Variants in NELL1 observed in about 807,000 individuals in gnomAD.
The protein encoded by NELL1 is neural EGFL like 1.
In NELL1, 76 loss-of-function variants were observed where a neutral mutation model predicts 107.4. That is an observed-to-expected ratio of 0.71 (90% CI 0.59 to 0.86). The LOEUF (loss-of-function observed/expected upper bound fraction) is 0.86. NELL1 is among the 40% of genes least tolerant of loss of function. The pLI is 0.00. For synonymous variants in NELL1, 353 were observed against 341.2 expected (o/e 1.03, Z -0.38); for missense variants, 1,024 against 1,005.5 (o/e 1.02, Z -0.25).
At chr11:21,048,441 C>A (rs2134343215) in intron 12 of NELL1, among the ~76,000 whole-genome samples, 1 of 152,226 alleles carries the variant, frequency 6.6e-6, no homozygotes, top group South Asian at 2.1e-4. Flanking sequence ...TTATGATGAT[C>A]TGTCTCTTTG....
At chr11:21,118,508 A>T (rs1041788421) in intron 13 of NELL1, among the ~76,000 whole-genome samples, 2 of 152,060 alleles carry the variant, frequency 1.3e-5, no homozygotes, top group Non-Finnish European at 2.9e-5. Context: ...GGCAAAGAAG[A>T]CTTCCTTCCC....
intron 2 of NELL1, among the ~76,000 whole-genome samples, chr11:20,714,466 C>A (rs1855191859): frequency 6.6e-6 from 1 of 151,968 alleles, no homozygotes; most frequent in Non-Finnish European, 1.5e-5. Flanking sequence ...CCTCAGCCTC[C>A]CTAAGTGCTG....
intron 3 of NELL1, among the ~76,000 whole-genome samples, chr11:20,845,772 C>T (rs1461573657): frequency 6.6e-6 from 1 of 152,096 alleles, no homozygotes; most frequent in Non-Finnish European, 1.5e-5. Context: ...CCTTTTAGGC[C>T]ATTTTTCACC....
At chr11:20,714,053 G>A (rs1056462616) in intron 2 of NELL1, among the ~76,000 whole-genome samples, 2 of 151,928 alleles carry the variant, frequency 1.3e-5, no homozygotes, top group Admixed American at 6.6e-5. Flanking sequence ...TCTTTCAAAG[G>A]ATCAATGCAT....
chr11:20,723,830 C>G (rs1189865223), intron 2 of NELL1, among the ~76,000 whole-genome samples: 3 of 152,232 alleles, frequency 2.0e-5, no homozygotes, highest in Non-Finnish European at 2.9e-5. Context: ...CCTGTACATC[C>G]AGGTGTTTCC....
At chr11:21,282,944 T>C (rs1849030733) in intron 14 of NELL1, among the ~76,000 whole-genome samples, 1 of 152,128 alleles carries the variant, frequency 6.6e-6, no homozygotes, top group African/African-American at 2.4e-5. Flanking sequence ...ATTGTGTATG[T>C]TCTTACTTAT....
At chr11:21,432,627 T>C (rs1184937895) in intron 15 of NELL1, among the ~76,000 whole-genome samples, 1 of 152,158 alleles carries the variant, frequency 6.6e-6, no homozygotes, top group Non-Finnish European at 1.5e-5. Flanking sequence ...GATTGGATCT[T>C]GTGTTAAGTG....
At chr11:21,099,220 C>CAA (rs796609526) in intron 12 of NELL1, among the ~76,000 whole-genome samples, 12 of 142,364 alleles carry the variant, frequency 8.4e-5, no homozygotes, top group Middle Eastern at 3.6e-3. Context: ...CACACACACA[C>CAA]ACACACACAC....
chr11:21,079,688 CA>C (rs1400942739), intron 12 of NELL1, among the ~76,000 whole-genome samples: 2 of 151,968 alleles, frequency 1.3e-5, no homozygotes, highest in Non-Finnish European at 2.9e-5. Context: ...TGGGAATAAA[CA>C]CAGCACTATA....
rs998513191 is a variant in NELL1 at position 21,529,819 on chromosome 11, G to A, written c.1646-4555G>A. ...AAGTTAATATCCAGACTGTGCTTAA[G>A]AGTCTTTTTTTGTTTAACAGTCACA... On this transcript the variant is annotated intron_variant, in intron 15 of 19. Coordinates refer to ENST00000357134, the MANE Select transcript of NELL1 (RefSeq NM_006157.5). Among the ~76,000 whole-genome samples the A allele has an allele frequency of 2.0e-5, 3 of 151,864 alleles. No homozygotes were observed. In the South Asian group the frequency reaches 6.2e-4, roughly 31 times the overall value.
chr11:20,875,049 T>G (rs536960540), intron 4 of NELL1, among the ~76,000 whole-genome samples: 78 of 152,382 alleles, frequency 5.1e-4, no homozygotes, highest in African/African-American at 1.8e-3. Flanking sequence ...AATGCGATTA[T>G]CTCTGGACAG....
intron 12 of NELL1, among the ~76,000 whole-genome samples, chr11:21,083,244 A>G (rs938214848): frequency 5.3e-5 from 8 of 152,232 alleles, no homozygotes. Context: ...TGTGGTAGAC[A>G]AAAGATAGCC....
intron 15 of NELL1, among the ~76,000 whole-genome samples, chr11:21,422,092 C>CGTGTGTGTGTGT (rs1564886248): frequency 2.0e-5 from 1 of 49,978 alleles, no homozygotes; most frequent in African/African-American, 4.0e-5. Flanking sequence ...GACATTTACA[C>CGTGTGTGTGTGT]ATATGTGTGT....
chr11:21,046,797 T>TC (rs2134340924), intron 12 of NELL1, among the ~76,000 whole-genome samples: 1 of 151,962 alleles, frequency 6.6e-6, no homozygotes, highest in African/African-American at 2.4e-5. Context: ...AGCTTTGACT[T>TC]CCCAGGCTCA....
intron 15 of NELL1, among the ~76,000 whole-genome samples, chr11:21,427,657 A>G (rs1852859030): frequency 6.6e-6 from 1 of 152,094 alleles, no homozygotes; most frequent in African/African-American, 2.4e-5. Context: ...GATAGCTTGA[A>G]CCCAGGAGTT....
intron 12 of NELL1, among the ~76,000 whole-genome samples, chr11:21,111,334 A>G (rs1204549248): frequency 6.6e-6 from 1 of 152,070 alleles, no homozygotes; most frequent in Non-Finnish European, 1.5e-5. Flanking sequence ...GATGCTTTCC[A>G]TTTCTAACTT....
chr11:20,861,422 G>A (rs1039814440), intron 4 of NELL1, among the ~76,000 whole-genome samples: 1 of 152,168 alleles, frequency 6.6e-6, no homozygotes, highest in African/African-American at 2.4e-5. Context: ...TTGTCCCTTG[G>A]TAGTGTGTGG....
chr11:21,378,450 T>C (rs988836876), intron 15 of NELL1, among the ~76,000 whole-genome samples: 8 of 151,776 alleles, frequency 5.3e-5, no homozygotes, highest in African/African-American at 1.9e-4. Context: ...CTGGATGATA[T>C]CCATCATGTG....
chr11:21,170,082 T>G (rs2133810950), intron 13 of NELL1: 1 of 1,022,280 alleles, frequency 9.8e-7, no homozygotes, highest in South Asian at 1.4e-5. Flanking sequence ...GAGTCCAAGT[T>G]CTTTGAACAA....
Sources: allele counts gnomAD v4.1 joint callset (sites outside exome capture counted in the v4.1 genomes callset), GRCh38; gene constraint gnomAD v4.1.1; transcripts MANE v1.5; gene names NCBI Gene and HGNC (gene_info 2026-07-23, HGNC 2026-07-21).